ALK: variants seen among roughly 807,000 people sequenced by gnomAD.
The protein encoded by ALK is ALK tyrosine kinase receptor.
In ALK, 74 loss-of-function variants were observed where a neutral mutation model predicts 163.1. The ratio of observed to expected loss-of-function variants is 0.45; its 90% CI spans 0.38 to 0.55. The LOEUF is 0.55. Ranked by LOEUF, ALK falls within the 20% of genes least tolerant of loss-of-function variation. ALK has a pLI of 0.00. For missense variants in ALK, 2,063 were observed against 2,105.3 expected (o/e 0.98, Z 0.39); for synonymous variants, 960 against 843.2 (o/e 1.14, Z -2.40).
At chr2:29,510,627 AGT>A (rs1420994410) in intron 4 of ALK, among the ~76,000 whole-genome samples, 1 of 152,228 alleles carries the variant, frequency 6.6e-6, no homozygotes, top group Non-Finnish European at 1.5e-5. Flanking sequence ...GTGAAACAAC[AGT>A]CTCTTTGGGG....
chr2:29,746,252 T>C (rs574544036), intron 1 of ALK, among the ~76,000 whole-genome samples: 116 of 152,346 alleles, frequency 7.6e-4, no homozygotes, highest in Non-Finnish European at 1.4e-3. Context: ...TGGGTTTCTT[T>C]AAAGTTTTGA....
chr2:29,670,333 G>C (rs1159062040), intron 3 of ALK, among the ~76,000 whole-genome samples: 1 of 152,016 alleles, frequency 6.6e-6, no homozygotes, highest in Non-Finnish European at 1.5e-5. Context: ...CTTTGAAAAT[G>C]TCATTCCATT....
intron 1 of ALK, among the ~76,000 whole-genome samples, chr2:29,860,766 GAAC>G (rs1666256907): frequency 6.6e-6 from 1 of 152,020 alleles, no homozygotes; most frequent in African/African-American, 2.4e-5. Context: ...ACATGCTCCT[GAAC>G]AACCAATGAG....
chr2:29,498,546 G>A (rs1320636793), intron 4 of ALK, among the ~76,000 whole-genome samples: 2 of 152,150 alleles, frequency 1.3e-5, no homozygotes, highest in East Asian at 3.9e-4. Context: ...AGGGTCTTGG[G>A]TGCAGTTGTA....
At chr2:29,877,336 T>C (rs1666749218) in intron 1 of ALK, among the ~76,000 whole-genome samples, 1 of 152,132 alleles carries the variant, frequency 6.6e-6, no homozygotes, top group South Asian at 2.1e-4. Flanking sequence ...AACACCAGCT[T>C]GTCATAGAGG....
At chr2:29,337,919 G>A (rs1044130042) in intron 5 of ALK, among the ~76,000 whole-genome samples, 1 of 152,198 alleles carries the variant, frequency 6.6e-6, no homozygotes, top group Admixed American at 6.5e-5. Flanking sequence ...AGCTAGTGGG[G>A]TGAATGCTGA....
chr2:29,909,901 A>G (rs1191670939), intron 1 of ALK, among the ~76,000 whole-genome samples: 1 of 152,148 alleles, frequency 6.6e-6, no homozygotes, highest in East Asian at 1.9e-4. Flanking sequence ...ATTAACTGTC[A>G]AAGAAAATTC....
At chr2:29,610,589 G>A (rs1675664813) in intron 3 of ALK, among the ~76,000 whole-genome samples, 1 of 152,030 alleles carries the variant, frequency 6.6e-6, no homozygotes, top group Non-Finnish European at 1.5e-5. Flanking sequence ...AGGAGAACTT[G>A]GTCTGTTGGA....
chr2:29,836,723 A>T (rs1475457184), intron 1 of ALK, among the ~76,000 whole-genome samples: 1 of 152,190 alleles, frequency 6.6e-6, no homozygotes, highest in Non-Finnish European at 1.5e-5. Flanking sequence ...TTAGCTCCAA[A>T]ATCTATTTAC....
intron 4 of ALK, among the ~76,000 whole-genome samples, chr2:29,503,927 T>C (rs1281139099): frequency 6.6e-6 from 1 of 151,896 alleles, no homozygotes; most frequent in Non-Finnish European, 1.5e-5. Flanking sequence ...GGTGCAAAAG[T>C]AATTGTGGTT....
chr2:29,658,539 A>T (rs1263754024), intron 3 of ALK, among the ~76,000 whole-genome samples: 1 of 152,194 alleles, frequency 6.6e-6, no homozygotes, highest in African/African-American at 2.4e-5. Flanking sequence ...GGAAGACAGC[A>T]GTGGCTAGGT....
At chr2:29,521,734 C>T (rs1400001922) in intron 4 of ALK, among the ~76,000 whole-genome samples, 1 of 152,216 alleles carries the variant, frequency 6.6e-6, no homozygotes, top group Non-Finnish European at 1.5e-5. Context: ...ACTCTTGGGC[C>T]ATCAGCTCCA....
intron 1 of ALK, among the ~76,000 whole-genome samples, chr2:29,902,097 C>T (rs1470879297): frequency 6.6e-6 from 1 of 152,142 alleles, no homozygotes; most frequent in Non-Finnish European, 1.5e-5. Context: ...CTCCCAAATC[C>T]CCATGCCCAG....
intron 6 of ALK, among the ~76,000 whole-genome samples, chr2:29,327,486 C>T (rs998186905): frequency 2.0e-5 from 3 of 152,070 alleles, no homozygotes; most frequent in Non-Finnish European, 2.9e-5. Context: ...GTGGGCCCCT[C>T]GTAGGATGCT....
At chr2:29,708,824 T>C (rs1340319195) in intron 2 of ALK, among the ~76,000 whole-genome samples, 4 of 152,100 alleles carry the variant, frequency 2.6e-5, no homozygotes, top group Non-Finnish European at 5.9e-5. Context: ...CCTACAGATG[T>C]GGCTATTTGA....
intron 2 of ALK, among the ~76,000 whole-genome samples, chr2:29,706,559 T>C (rs1166160679): frequency 2.0e-5 from 3 of 152,234 alleles, no homozygotes; most frequent in Admixed American, 1.3e-4. Flanking sequence ...TTTAGCTCAC[T>C]TATAATCAAG....
chr2:29,322,662 T>C lies in ALK; in HGVS notation c.1415-1780A>G, dbSNP rs755171908. ...CAGCCTGGCCAACATGGGGAGACTC[T>C]GTCTTGACTAAAAATACAGAAATTA... On this transcript the variant is annotated intron_variant, in intron 6 of 28. Coordinates refer to ENST00000389048, the MANE Select transcript of ALK (RefSeq NM_004304.5). Among the ~76,000 whole-genome samples the C allele has an allele frequency of 1.2e-4, 18 of 152,148 alleles. 1 individual carries two copies. The highest frequency in any genetic ancestry group is 2.6e-4 in the Non-Finnish European group (18 of 68,024).
chr2:29,389,888 T>C (rs771657936), intron 4 of ALK, among the ~76,000 whole-genome samples: 1 of 152,180 alleles, frequency 6.6e-6, no homozygotes, highest in Non-Finnish European at 1.5e-5. Context: ...CGGAGAATTA[T>C]GTAATTGAGA....
intron 1 of ALK, among the ~76,000 whole-genome samples, chr2:29,913,634 T>C (rs1667761625): frequency 6.6e-6 from 1 of 152,232 alleles, no homozygotes. Flanking sequence ...TGTGCATCTT[T>C]TGGAGGCAAT....
Sources: gnomAD v4.1 joint callset for allele counts (sites outside exome capture counted in the v4.1 genomes callset) on GRCh38, gnomAD v4.1.1 for gene constraint, MANE v1.5 for transcripts, NCBI Gene and HGNC (gene_info 2026-07-23, HGNC 2026-07-21) for gene names.